TNNI3K: variants seen among roughly 807,000 people sequenced by gnomAD.
TNNI3K encodes the protein serine/threonine-protein kinase TNNI3K.
A neutral mutation model predicts 114.5 loss-of-function variants in TNNI3K; 140 were observed. The ratio of observed to expected loss-of-function variants is 1.22; its 90% confidence interval spans 1.07 to 1.41. The LOEUF (loss-of-function observed/expected upper bound fraction) is 1.41, where lower values mean the gene tolerates loss of function less well. Among genes scored for constraint, TNNI3K ranks in the 40% most tolerant of loss-of-function variants. The pLI, the probability that TNNI3K is intolerant of heterozygous loss-of-function variation, is 0.00. For missense variants in TNNI3K, 1,125 were observed against 1,007.6 expected, an observed-to-expected ratio of 1.12 and a Z score of -1.58; for synonymous variants, 347 against 347.5, an observed-to-expected ratio of 1.00 and a Z score of 0.02.
chr1:74,519,695 GA>G (rs1177542148), intron 23 of TNNI3K, among the ~76,000 whole-genome samples: 8 of 152,068 alleles, frequency 5.3e-5, no homozygotes, highest in African/African-American at 1.7e-4. Flanking sequence ...TAACCCCACA[GA>G]ATATATCTTT....
rs922086657 is a variant in TNNI3K, at chr1:74,307,911, C to T, written c.445-23539C>T. Among the ~76,000 whole-genome samples, 6 of 151,990 alleles carry T rather than the reference C, an allele frequency of 3.9e-5. No individual in the cohort carries two copies. In the South Asian group the frequency reaches 8.3e-4, roughly 21 times the overall value. On this transcript the variant is annotated intron_variant, in intron 5 of 24. Transcript: ENST00000326637. ...CTGGGAGGCAGAGGTTGCAGTGAGC[C>T]GAGATTGTGCCACTGCACTCCAGCC...
intron 21 of TNNI3K, among the ~76,000 whole-genome samples, chr1:74,467,517 G>A (rs1304288707): frequency 6.6e-6 from 1 of 151,692 alleles, no homozygotes; most frequent in African/African-American, 2.4e-5. Flanking sequence ...CCTGATACTA[G>A]ATAGTGACAG....
chr1:74,346,363 T>C (rs1391377760), intron 9 of TNNI3K, among the ~76,000 whole-genome samples: 1 of 152,130 alleles, frequency 6.6e-6, no homozygotes, highest in Non-Finnish European at 1.5e-5. Flanking sequence ...AGAACCCTCC[T>C]GAATTTCTAA....
At chr1:74,524,296 G>C (rs1449215210) in intron 23 of TNNI3K, among the ~76,000 whole-genome samples, 3 of 152,222 alleles carry the variant, frequency 2.0e-5, no homozygotes, top group Admixed American at 6.5e-5. Context: ...ATGGTAACAT[G>C]CAAAGTGAAT....
chr1:74,498,929 A>T (rs1191281947), intron 23 of TNNI3K, among the ~76,000 whole-genome samples: 1 of 152,244 alleles, frequency 6.6e-6, no homozygotes, highest in Non-Finnish European at 1.5e-5. Flanking sequence ...TGTGCAGAGC[A>T]TTAATATGAC....
At chr1:74,381,279 C>T (rs1412145234) in intron 17 of TNNI3K, among the ~76,000 whole-genome samples, 1 of 152,122 alleles carries the variant, frequency 6.6e-6, no homozygotes, top group Admixed American at 6.6e-5. Context: ...CCACATTTTA[C>T]CTGTGTCCTT....
At chr1:74,406,226 CCA>C (rs1664606545) in intron 17 of TNNI3K, among the ~76,000 whole-genome samples, 1 of 152,176 alleles carries the variant, frequency 6.6e-6, no homozygotes, top group Non-Finnish European at 1.5e-5. Flanking sequence ...CTTGTCCACC[CCA>C]CAGCCCACAG....
At chr1:74,386,050 G>T (rs1224057814) in intron 17 of TNNI3K, among the ~76,000 whole-genome samples, 1 of 152,182 alleles carries the variant, frequency 6.6e-6, no homozygotes, top group Non-Finnish European at 1.5e-5. Flanking sequence ...AGTTTCATAA[G>T]ATCTGATGGC....
intron 4 of TNNI3K, among the ~76,000 whole-genome samples, chr1:74,266,233 G>A (rs1655976942): frequency 6.6e-6 from 1 of 152,024 alleles, no homozygotes; most frequent in African/African-American, 2.4e-5. Context: ...ACACTGACTG[G>A]AATAAGTGTA....
At position 74,357,268 on chromosome 1, in the gene TNNI3K, C is replaced by T. The variant is rs186513257; in HGVS notation, c.1177+3139C>T. ...GTTTACCATGTACCCTATCCTATCC[C>T]GGGAGAGATAAACAAGAAGGGAGCT... On this transcript the variant is annotated intron_variant, in intron 11 of 24. Coordinates refer to ENST00000326637, the MANE Select transcript of TNNI3K (RefSeq NM_015978.3). Among the ~76,000 whole-genome samples the T allele has an allele frequency of 1.4e-3, 209 of 152,214 alleles. 3 individuals carry two copies. The highest frequency in any genetic ancestry group is 0.014 in the Admixed American group (208 of 15,286).
intron 17 of TNNI3K, among the ~76,000 whole-genome samples, chr1:74,390,034 G>A (rs1213848623): frequency 6.6e-6 from 1 of 152,146 alleles, no homozygotes; most frequent in Non-Finnish European, 1.5e-5. Context: ...GCATTTGAAA[G>A]GTGGTGGGCA....
chr1:74,289,474 C>A (rs1557477001), intron 5 of TNNI3K, among the ~76,000 whole-genome samples: 1 of 47,668 alleles, frequency 2.1e-5, no homozygotes, highest in Middle Eastern at 8.8e-3. Flanking sequence ...GTCGAACTCA[C>A]CCATAGGTAG....
chr1:74,529,610 T>G (rs7517467), intron 23 of TNNI3K, among the ~76,000 whole-genome samples: 140,224 of 152,264 alleles, frequency 0.92, 64,840 homozygotes, highest in Non-Finnish European at 0.96. Flanking sequence ...TGATTGTATT[T>G]TGGTTATGTA....
chr1:74,245,847 C>T (rs541676897), intron 2 of TNNI3K, among the ~76,000 whole-genome samples: 104 of 152,076 alleles, frequency 6.8e-4, no homozygotes, highest in Non-Finnish European at 1.2e-3. Context: ...CTTTTTTTAC[C>T]CTCCTACCCT....
At chr1:74,456,771 A>G (rs1435888294) in intron 20 of TNNI3K, among the ~76,000 whole-genome samples, 1 of 152,172 alleles carries the variant, frequency 6.6e-6, no homozygotes, top group Non-Finnish European at 1.5e-5. Context: ...GTAATTTAAG[A>G]ACATCTGCCA....
chr1:74,464,500 G>A (rs1405854021), intron 21 of TNNI3K: 7 of 1,387,610 alleles, frequency 5.0e-6, no homozygotes, highest in African/African-American at 1.5e-5. Flanking sequence ...ATCCTTCCTA[G>A]GCACTTTATA....
chr1:74,287,364 A>G (rs929345467), intron 5 of TNNI3K, among the ~76,000 whole-genome samples: 4 of 152,190 alleles, frequency 2.6e-5, no homozygotes, highest in African/African-American at 9.7e-5. Context: ...TTATCCATGA[A>G]GCCCAAAGAA....
At chr1:74,270,582 G>A (rs538717483) in intron 4 of TNNI3K, among the ~76,000 whole-genome samples, 1 of 151,786 alleles carries the variant, frequency 6.6e-6, no homozygotes, top group South Asian at 2.1e-4. Flanking sequence ...AGAATTTCTT[G>A]TAGGCCTTTA....
At chr1:74,297,367 A>C (rs945012262) in intron 5 of TNNI3K, among the ~76,000 whole-genome samples, 4 of 152,082 alleles carry the variant, frequency 2.6e-5, no homozygotes, top group African/African-American at 9.7e-5. Flanking sequence ...GACTTTTGGG[A>C]GACCGTAAGA....
Sources: allele counts gnomAD v4.1 joint callset (sites outside exome capture counted in the v4.1 genomes callset), GRCh38; gene constraint gnomAD v4.1.1; transcripts MANE v1.5; gene names NCBI Gene and HGNC (gene_info 2026-07-23, HGNC 2026-07-21).